CDC5L: variants seen among roughly 807,000 people sequenced by gnomAD.
CDC5L encodes cell division cycle 5-like protein.
Under a neutral mutation model 104.1 loss-of-function variants are expected in CDC5L, and 18 were observed. The observed-to-expected ratio is 0.17, with a 90% CI of 0.12 to 0.26. The LOEUF is 0.26. CDC5L is among the 10% of genes least tolerant of loss of function. The probability of loss-of-function intolerance (pLI) is 1.00; values close to 1 mark genes in which losing one functional copy is unlikely to be tolerated. For synonymous variants in CDC5L, 331 were observed against 322.7 expected (o/e 1.03, Z -0.28); for missense variants, 673 against 956.9 (o/e 0.70, Z 3.91).
In CDC5L at chr6:44,392,677, C is replaced by T; in HGVS notation, c.160C>T (p.Leu54=). Residue 54 remains leucine, a synonymous_variant, in exon 3 of 16, where the codon CTG becomes TTG. Transcript: ENST00000371477. ...KQCKARWYEW[L]DPSIKKTEWS... ...ATCTATGTTTAATAGGTATGAATGGCTGGATCCAAGCATTAAGAAGACAGA... is the reference window on the plus strand; with the variant it reads ...ATCTATGTTTAATAGGTATGAATGGTTGGATCCAAGCATTAAGAAGACAGA... The T allele has an allele frequency of 1.9e-6, 3 of 1,613,776 alleles. No individual in the cohort carries two copies. Among genetic ancestry groups the T allele is most frequent in the Non-Finnish European group, 2.5e-6 (3 of 1,179,762 alleles).
chr6:44,439,482 T>C (rs1195583815), intron 14 of CDC5L, among the ~76,000 whole-genome samples: 2 of 152,132 alleles, frequency 1.3e-5, no homozygotes, highest in African/African-American at 4.8e-5. Context: ...TTTTACACTG[T>C]AGGACAGAGG....
At chr6:44,413,061 C>T (rs1057063698) in intron 8 of CDC5L, among the ~76,000 whole-genome samples, 1 of 152,096 alleles carries the variant, frequency 6.6e-6, no homozygotes, top group Non-Finnish European at 1.5e-5. Context: ...GGATTACAGG[C>T]GTGAGCCACC....
At chr6:44,440,242 CTT>C (rs770556481) in intron 14 of CDC5L, among the ~76,000 whole-genome samples, 12 of 138,826 alleles carry the variant, frequency 8.6e-5, no homozygotes, top group Admixed American at 1.5e-4. Flanking sequence ...TTGACTTAGA[CTT>C]TTTTTTTTTT....
Position 44,388,156 on chromosome 6 carries a change from CG to C in CDC5L, c.45+289del, listed in dbSNP as rs1245746544. Among the ~76,000 whole-genome samples, 122 of 18,768 alleles carry C rather than the reference CG, an allele frequency of 6.5e-3. 3 individuals carry two copies. The South Asian group carries it at 0.076, about 12-fold the overall frequency. The allele number at this position is 18,768 out of a possible 152,430, so 12.3% of individuals were successfully genotyped here. A position where few individuals can be genotyped will look rare whatever the true frequency, so the allele number is the denominator to read the frequency against. ...TACGCCCCCTCCCACCCCGCCCCCCCGCCCCCCCCGGCCCCGGGAAGAACTC... is the reference window on the plus strand; with the variant it reads ...TACGCCCCCTCCCACCCCGCCCCCCCCCCCCCCCGGCCCCGGGAAGAACTC... On this transcript the variant is annotated intron_variant, in intron 1 of 15. Coordinates refer to ENST00000371477, the MANE Select transcript of CDC5L (RefSeq NM_001253.4).
intron 14 of CDC5L, 67 bp from the exon 15 acceptor site, chr6:44,445,588 T>C: frequency 8.7e-7 from 1 of 1,150,754 alleles, no homozygotes; most frequent in South Asian, 1.5e-5. Context: ...ATGGTACCTT[T>C]TTAGCCCTGT....
In CDC5L at chr6:44,435,452, TC is replaced by T. The variant is rs1246607868; in HGVS notation, c.2091+5543del. Among the ~76,000 whole-genome samples the T allele has an allele frequency of 2.6e-5, 4 of 152,046 alleles. No individual in the cohort carries two copies. In the South Asian group the frequency reaches 6.3e-4, roughly 24 times the overall value. ...TGATGGGCAGAATTGCTAATTAAGG[TC>T]TTATTTCTTGTTTACATGTGTCTAG... On this transcript the variant is annotated intron_variant, in intron 14 of 15. Coordinates refer to ENST00000371477, the MANE Select transcript of CDC5L (RefSeq NM_001253.4).
intron 14 of CDC5L, chr6:44,435,614 A>C (rs1382910584): frequency 6.5e-6 from 1 of 153,420 alleles, no homozygotes; most frequent in Non-Finnish European, 1.5e-5. Flanking sequence ...CAGTGGTGTG[A>C]CCAGTGTATT....
In CDC5L at chr6:44,408,982, C is replaced by T. The variant is rs1296668630; in HGVS notation, c.1092+350C>T. On this transcript the variant is annotated intron_variant, in intron 8 of 15. Coordinates refer to ENST00000371477, the MANE Select transcript of CDC5L (RefSeq NM_001253.4). The stretch of plus-strand genomic sequence containing the variant: ...CCTTGCATTTCTGTACTTAGCTTCA[C>T]ATAGTGTGCCCGCAGTTCTACTTTC... 2.0e-5 allele frequency among the ~76,000 whole-genome samples: 3 copies of T among 152,206 alleles called. No individual in the cohort carries two copies. In the East Asian group the frequency reaches 5.8e-4, roughly 29 times the overall value.
intron 1 of CDC5L, among the ~76,000 whole-genome samples, chr6:44,388,173 G>T (rs1318639933): frequency 4.9e-5 from 1 of 20,606 alleles, no homozygotes; most frequent in African/African-American, 2.0e-4. Context: ...CCCGGCCCCG[G>T]GAAGAACTCA....
chr6:44,442,457 CTCTTG>C (rs1793244956), intron 14 of CDC5L, among the ~76,000 whole-genome samples: 1 of 150,568 alleles, frequency 6.6e-6, no homozygotes, highest in Admixed American at 6.6e-5. Context: ...ATCTTTTTAT[CTCTTG>C]TCTGTCTGTT....
intron 14 of CDC5L, among the ~76,000 whole-genome samples, chr6:44,442,438 T>C (rs568242407): frequency 1.9e-4 from 29 of 151,744 alleles, no homozygotes; most frequent in African/African-American, 7.0e-4. Flanking sequence ...GTGGTATGCT[T>C]TGGATTTTAT....
At chr6:44,410,702 A>T (rs1791585435) in intron 8 of CDC5L, among the ~76,000 whole-genome samples, 1 of 152,106 alleles carries the variant, frequency 6.6e-6, no homozygotes, top group African/African-American at 2.4e-5. Flanking sequence ...CTTGAAGCTT[A>T]CATTATCTTA....
intron 2 of CDC5L, among the ~76,000 whole-genome samples, chr6:44,391,370 T>A (rs1790612845): frequency 6.6e-6 from 1 of 151,988 alleles, no homozygotes; most frequent in African/African-American, 2.4e-5. Flanking sequence ...TGCCATAGCC[T>A]CCTGAGTAGC....
At chr6:44,404,064 T>C in intron 6 of CDC5L, 37 bp downstream of exon 6, 1 of 1,474,374 alleles carries the variant, frequency 6.8e-7, no homozygotes, top group Non-Finnish European at 9.4e-7. Context: ...TGGAAAGGAA[T>C]AGTAGGAGGA....
intron 5 of CDC5L, 85 bp downstream of exon 5, chr6:44,396,525 T>G (rs1375702330): frequency 3.6e-6 from 1 of 277,794 alleles, no homozygotes. Flanking sequence ...AGATATGTGG[T>G]TTTTTTTTTT....
chr6:44,442,390 T>TGTGC (rs1793241563), intron 14 of CDC5L, among the ~76,000 whole-genome samples: 2 of 150,450 alleles, frequency 1.3e-5, no homozygotes, highest in Admixed American at 6.6e-5. Context: ...TGTGTGTGTG[T>TGTGC]GTGTGTGTGT....
At chr6:44,428,749 C>T (rs1481214831) in intron 13 of CDC5L, among the ~76,000 whole-genome samples, 1 of 152,210 alleles carries the variant, frequency 6.6e-6, no homozygotes, top group Non-Finnish European at 1.5e-5. Flanking sequence ...TAGTAGTGAA[C>T]TAAACTGGTT....
chr6:44,393,672 CT>C (rs566271026), intron 4 of CDC5L, 99 bp downstream of exon 4: 25,307 of 1,047,192 alleles, frequency 0.024, no homozygotes, highest in South Asian at 0.041. Flanking sequence ...TTTAGAATCC[CT>C]TTTTTTTTTG....
intron 3 of CDC5L, among the ~76,000 whole-genome samples, 170 bp downstream of exon 3, chr6:44,392,998 GC>G (rs1413164784): frequency 6.6e-6 from 1 of 152,026 alleles, no homozygotes; most frequent in Non-Finnish European, 1.5e-5. Flanking sequence ...TCAAAATTAT[GC>G]CTTCTGTCAT....
Sources: gnomAD v4.1 joint callset for allele counts (sites outside exome capture counted in the v4.1 genomes callset) on GRCh38, gnomAD v4.1.1 for gene constraint, MANE v1.5 for transcripts, NCBI Gene and HGNC (gene_info 2026-07-23, HGNC 2026-07-21) for gene names.